UMAD1: variants seen among roughly 807,000 people sequenced by gnomAD.
UMAD1 encodes the protein UBAP1-MVB12-associated (UMA) domain containing 1, also known as UBAP1-MVB12-associated (UMA)-domain containing protein 1.
In UMAD1, 8 loss-of-function variants were observed where a neutral mutation model predicts 6.1. The ratio of observed to expected loss-of-function variants is 1.30; its 90% CI spans 0.76 to 2.35. UMAD1 has a LOEUF of 2.35. UMAD1 is among the 30% of genes most tolerant of loss of function. The pLI is 0.00. For missense variants in UMAD1, 130 were observed against 78.4 expected, an observed-to-expected ratio of 1.66 and a Z score of -2.49; for synonymous variants, 56 against 31.4, an observed-to-expected ratio of 1.78 and a Z score of -2.61.
intron 1 of UMAD1, among the ~76,000 whole-genome samples, chr7:7,643,726 CAAACAAACG>C (rs1785030755): frequency 0.018 from 98 of 5,484 alleles, no homozygotes; most frequent in African/African-American, 0.066. Flanking sequence ...AAAAAAAAAA[CAAACAAACG>C]AAAAAAAAAG....
chr7:7,866,941 G>A (rs958871436), intron 3 of UMAD1, among the ~76,000 whole-genome samples: 2 of 152,142 alleles, frequency 1.3e-5, no homozygotes, highest in African/African-American at 2.4e-5. Context: ...ACATGAACCT[G>A]AAGAGAAATG....
At chr7:7,682,202 T>A (rs1202781655) in intron 2 of UMAD1, among the ~76,000 whole-genome samples, 1 of 152,180 alleles carries the variant, frequency 6.6e-6, no homozygotes, top group Admixed American at 6.5e-5. Context: ...CTAATTATTT[T>A]GTAACACTTG....
chr7:7,699,568 G>A lies in UMAD1; in HGVS notation c.82+26115G>A, dbSNP rs147814530. Among the ~76,000 whole-genome samples, 633 of 152,296 alleles carry A rather than the reference G, an allele frequency of 4.2e-3. 1 individual carries two copies. Among genetic ancestry groups the A allele is most frequent in the Non-Finnish European group, 4.5e-3 (307 of 68,018 alleles). ...AACTGAATCCCTAGGGTGGTCCCTGGATGTGATGGTCCAATCTGTAAGGTC... is the reference window on the plus strand; with the variant it reads ...AACTGAATCCCTAGGGTGGTCCCTGAATGTGATGGTCCAATCTGTAAGGTC... On this transcript the variant is annotated intron_variant, in intron 2 of 3. Transcript: ENST00000682710.
At position 7,830,334 on chromosome 7, in the gene UMAD1, C is replaced by A. The variant is rs1420226991; in HGVS notation, c.156+28591C>A. Among the ~76,000 whole-genome samples, 1 of 152,134 alleles carries A rather than the reference C, an allele frequency of 6.6e-6. No homozygotes were observed. Among genetic ancestry groups the A allele is most frequent in the Non-Finnish European group, 1.5e-5 (1 of 68,022 alleles). ...TGCTCTGGAGGTTAGCCCTGCCCTT[C>A]ATTTCCAGCCTAGAATGTGACTGTT... On this transcript the variant is annotated intron_variant, in intron 3 of 3. Transcript: ENST00000682710. The surrounding 1 kb of genome is among the most constrained non-coding windows in gnomAD (Gnocchi z 5.3).
intron 2 of UMAD1, among the ~76,000 whole-genome samples, chr7:7,676,389 A>G (rs1307876406): frequency 6.6e-6 from 1 of 152,224 alleles, no homozygotes; most frequent in Non-Finnish European, 1.5e-5. Context: ...AATGTTTCCA[A>G]GTTTCTCCAG....
chr7:7,651,853 A>G (rs765712727), intron 1 of UMAD1, among the ~76,000 whole-genome samples: 15 of 152,094 alleles, frequency 9.9e-5, no homozygotes, highest in Non-Finnish European at 1.6e-4. Context: ...TTGAAATTCA[A>G]CCTTCTTTCT....
At chr7:7,679,638 A>T (rs7798101) in intron 2 of UMAD1, among the ~76,000 whole-genome samples, 1 of 72,656 alleles carries the variant, frequency 1.4e-5, no homozygotes, top group Non-Finnish European at 2.5e-5. Context: ...TATATATTTA[A>T]TTTATAGATA....
At chr7:7,759,765 C>G (rs908771021) in intron 2 of UMAD1, among the ~76,000 whole-genome samples, 12 of 151,970 alleles carry the variant, frequency 7.9e-5, no homozygotes, top group Non-Finnish European at 1.6e-4. Flanking sequence ...AATGGAGATG[C>G]TTTCCAGGCA....
At chr7:7,788,081 A>G (rs1448974211) in intron 2 of UMAD1, among the ~76,000 whole-genome samples, 1 of 152,200 alleles carries the variant, frequency 6.6e-6, no homozygotes, top group African/African-American at 2.4e-5. Context: ...ACTTTACCAG[A>G]TGCTGAGAAT....
intron 3 of UMAD1, among the ~76,000 whole-genome samples, chr7:7,804,352 T>A (rs577616114): frequency 6.6e-6 from 1 of 152,338 alleles, no homozygotes; most frequent in African/African-American, 2.4e-5. Context: ...GCATCTAACA[T>A]GGGATTTGTT....
chr7:7,803,978 A>T (rs946125516), intron 3 of UMAD1, among the ~76,000 whole-genome samples: 3 of 152,246 alleles, frequency 2.0e-5, no homozygotes, highest in Admixed American at 2.0e-4. Context: ...TCCAAGACTA[A>T]TTCTTAAGGA....
Position 7,681,684 on chromosome 7 carries a change from G to A in UMAD1, c.82+8231G>A, listed in dbSNP as rs551700860. Among the ~76,000 whole-genome samples the A allele has an allele frequency of 5.3e-5, 8 of 152,126 alleles. No individual in the cohort carries two copies. In the South Asian group the frequency reaches 1.7e-3, roughly 32 times the overall value. The stretch of plus-strand genomic sequence containing the variant: ...GTTTTCATTTGCATCACTGGGTGGC[G>A]ATTTTTCATAGCCTTATACTACTAT... On this transcript the variant is annotated intron_variant, in intron 2 of 3. Transcript: ENST00000682710.
intron 3 of UMAD1, among the ~76,000 whole-genome samples, chr7:7,864,626 CA>C: frequency 6.6e-6 from 1 of 151,686 alleles, no homozygotes; most frequent in African/African-American, 2.4e-5. Flanking sequence ...CACACACACA[CA>C]CACACACACA....
chr7:7,852,288 A>G (rs1413422895), intron 3 of UMAD1, among the ~76,000 whole-genome samples: 2 of 152,188 alleles, frequency 1.3e-5, no homozygotes, highest in Admixed American at 6.5e-5. Context: ...TGACCTCAAA[A>G]TATGTGGGGA....
At chr7:7,708,333 C>T (rs1030309434) in intron 2 of UMAD1, among the ~76,000 whole-genome samples, 8 of 151,992 alleles carry the variant, frequency 5.3e-5, no homozygotes, top group African/African-American at 1.4e-4. Flanking sequence ...TACTTGTAGA[C>T]GAAGGAAGAC....
intron 2 of UMAD1, among the ~76,000 whole-genome samples, chr7:7,747,242 C>T (rs1329803121): frequency 2.6e-5 from 4 of 152,106 alleles, no homozygotes; most frequent in Non-Finnish European, 5.9e-5. Context: ...GAGAGAGTTT[C>T]AAAAGGCCCC....
At chr7:7,820,704 T>C (rs1563233363) in intron 3 of UMAD1, among the ~76,000 whole-genome samples, 1 of 152,148 alleles carries the variant, frequency 6.6e-6, no homozygotes, top group African/African-American at 2.4e-5. Context: ...TTGGTACTCA[T>C]TTGCTTTTAG....
At chr7:7,850,282 C>T (rs1030510783) in intron 3 of UMAD1, among the ~76,000 whole-genome samples, 1 of 152,048 alleles carries the variant, frequency 6.6e-6, no homozygotes, top group African/African-American at 2.4e-5. Flanking sequence ...GAAACTCTTA[C>T]ATCATTCTTT....
At chr7:7,862,654 T>C (rs1784136269) in intron 3 of UMAD1, among the ~76,000 whole-genome samples, 1 of 152,232 alleles carries the variant, frequency 6.6e-6, no homozygotes, top group African/African-American at 2.4e-5. Flanking sequence ...AGCTACTACA[T>C]GTTGTAACCA....
Sources: gnomAD v4.1 joint callset for allele counts (sites outside exome capture counted in the v4.1 genomes callset) on GRCh38, gnomAD v4.1.1 for gene constraint, Gnocchi (gnomAD v3.1) non-coding constraint, MANE v1.5 for transcripts, NCBI Gene and HGNC (gene_info 2026-07-23, HGNC 2026-07-21) for gene names.